The following LARGE1 variants were observed in gnomAD, a reference collection of about 807,000 sequenced individuals.
LARGE1 encodes the protein LARGE xylosyl- and glucuronyltransferase 1.
LARGE1 carries 43 observed loss-of-function variants against 87.6 expected under a neutral mutation model. The ratio of observed to expected loss-of-function variants is 0.49; its 90% CI spans 0.38 to 0.63. The LOEUF (loss-of-function observed/expected upper bound fraction) is 0.63. Among genes scored for constraint, LARGE1 ranks in the 30% least tolerant of loss-of-function variants. The pLI, the probability that LARGE1 is intolerant of heterozygous loss-of-function variation, is 0.00. For missense variants in LARGE1, 802 were observed against 1,000.2 expected, an observed-to-expected ratio of 0.80 and a Z score of 2.67; for synonymous variants, 434 against 394.6, an observed-to-expected ratio of 1.10 and a Z score of -1.18.
the LARGE1 span, among the ~76,000 whole-genome samples, chr22:33,067,247 C>T: frequency 6.6e-6 from 1 of 151,990 alleles, no homozygotes; most frequent in African/African-American, 2.4e-5. Context: ...ACTGCTTGGT[C>T]TATAAAATGC....
chr22:33,321,299 T>C (rs1036085584), intron 10 of LARGE1, among the ~76,000 whole-genome samples: 4 of 152,240 alleles, frequency 2.6e-5, no homozygotes, highest in African/African-American at 4.8e-5. Context: ...GGAGACTGTA[T>C]GGCAAGATCC....
chr22:33,098,233 T>C, the LARGE1 span, among the ~76,000 whole-genome samples: 1 of 151,830 alleles, frequency 6.6e-6, no homozygotes, highest in Non-Finnish European at 1.5e-5. Context: ...ACTTGAGGCT[T>C]GAGGCTGCAG....
intron 5 of LARGE1, among the ~76,000 whole-genome samples, chr22:33,598,465 C>T (rs1014398508): frequency 1.1e-4 from 17 of 152,282 alleles, no homozygotes; most frequent in Middle Eastern, 6.8e-3. Flanking sequence ...TGGTGGTTTA[C>T]TGCACCCATC....
At chr22:33,545,723 G>C (rs1181689555) in intron 6 of LARGE1, among the ~76,000 whole-genome samples, 1 of 152,048 alleles carries the variant, frequency 6.6e-6, no homozygotes, top group Non-Finnish European at 1.5e-5. Context: ...ACAGGCATGA[G>C]CCCCTGCGCC....
At chr22:33,894,066 C>A (rs1269250339) in intron 1 of LARGE1, among the ~76,000 whole-genome samples, 5 of 152,040 alleles carry the variant, frequency 3.3e-5, no homozygotes, top group Non-Finnish European at 5.9e-5. Context: ...GGTCAACTCC[C>A]CTCCCCATCT....
intron 6 of LARGE1, among the ~76,000 whole-genome samples, chr22:33,502,062 G>A (rs1031618993): frequency 2.0e-5 from 3 of 152,138 alleles, no homozygotes; most frequent in African/African-American, 4.8e-5. Context: ...CGGGCATGCT[G>A]GCAGGCGCCT....
intron 11 of LARGE1, 98 bp downstream of exon 11, chr22:33,315,987 C>G: frequency 7.4e-7 from 1 of 1,352,498 alleles, no homozygotes; most frequent in Non-Finnish European, 1.0e-6. Flanking sequence ...CCAATTTTAG[C>G]AGATGCACTG....
At chr22:33,905,479 G>C (rs1441848589) in intron 1 of LARGE1, among the ~76,000 whole-genome samples, 2 of 152,138 alleles carry the variant, frequency 1.3e-5, no homozygotes, top group East Asian at 3.8e-4. Context: ...TCAGCATATT[G>C]TAAACATTAA....
At chr22:33,900,163 A>T (rs1015029370) in intron 1 of LARGE1, among the ~76,000 whole-genome samples, 11 of 152,324 alleles carry the variant, frequency 7.2e-5, no homozygotes, top group Non-Finnish European at 1.0e-4. Context: ...CAGATATCTC[A>T]GGATTTACAC....
At chr22:33,730,294 T>C (rs1380756438) in intron 2 of LARGE1, among the ~76,000 whole-genome samples, 1 of 152,234 alleles carries the variant, frequency 6.6e-6, no homozygotes, top group Non-Finnish European at 1.5e-5. Flanking sequence ...GTACAGTATA[T>C]AATATATAAC....
In LARGE1 at chr22:33,785,947, T is replaced by A. The variant is rs561261262; in HGVS notation, c.-82-24389A>T. On this transcript the variant is annotated intron_variant, in intron 1 of 14. Transcript: ENST00000397394. Reference sequence around the variant, plus strand: ...AGTTGCCATAACCAGGGCAGGGTGGTAAAAAAATAAAAAGGAGAAGAGGCA... The same window carrying A: ...AGTTGCCATAACCAGGGCAGGGTGGAAAAAAAATAAAAAGGAGAAGAGGCA... Among the ~76,000 whole-genome samples the A allele has an allele frequency of 3.9e-5, 6 of 152,200 alleles. No individual in the cohort carries two copies. In the East Asian group the frequency reaches 1.2e-3, roughly 29 times the overall value.
intron 6 of LARGE1, among the ~76,000 whole-genome samples, chr22:33,514,464 A>C (rs928716823): frequency 6.6e-6 from 1 of 152,234 alleles, no homozygotes; most frequent in African/African-American, 2.4e-5. Flanking sequence ...CTAAGAAAAA[A>C]CAATGAAAAT....
chr22:33,159,127 T>TG (rs1921946984), downstream of LARGE1, among the ~76,000 whole-genome samples: 1 of 152,212 alleles, frequency 6.6e-6, no homozygotes, highest in South Asian at 2.1e-4. Flanking sequence ...TCTGCCCATC[T>TG]GGGTGTGGCT....
At chr22:33,296,549 T>A (rs1042166912) in intron 12 of LARGE1, among the ~76,000 whole-genome samples, 3 of 151,180 alleles carry the variant, frequency 2.0e-5, no homozygotes, top group Admixed American at 2.0e-4. Context: ...GAGCCAGTTA[T>A]CCTTTTTCTT....
At chr22:33,821,762 A>T (rs1714429612) in intron 1 of LARGE1, among the ~76,000 whole-genome samples, 1 of 152,108 alleles carries the variant, frequency 6.6e-6, no homozygotes, top group East Asian at 1.9e-4. Flanking sequence ...TATGCTATCA[A>T]AGGAGTTCAA....
intron 12 of LARGE1, among the ~76,000 whole-genome samples, chr22:33,293,060 A>G (rs1341321029): frequency 6.6e-6 from 1 of 152,134 alleles, no homozygotes; most frequent in Non-Finnish European, 1.5e-5. Context: ...AGACAGAAGC[A>G]TACTCCTCTC....
At chr22:33,750,866 T>C (rs927481734) in intron 2 of LARGE1, 5 of 152,136 alleles carry the variant, frequency 3.3e-5, no homozygotes, top group South Asian at 2.1e-4. Flanking sequence ...CCAAATGGTA[T>C]ATCAGAAAGG....
At chr22:33,297,591 C>A (rs751521067) in intron 12 of LARGE1, among the ~76,000 whole-genome samples, 1 of 113,216 alleles carries the variant, frequency 8.8e-6, no homozygotes, top group Non-Finnish European at 1.8e-5. Context: ...CCAGCCTGGG[C>A]GGCATAAGAC....
At chr22:33,232,084 T>A (rs1926033585) in intron 11 of LARGE1, among the ~76,000 whole-genome samples, 1 of 152,154 alleles carries the variant, frequency 6.6e-6, no homozygotes, top group Non-Finnish European at 1.5e-5. Context: ...CCAAACTAGG[T>A]CCCTCTGCTT....
Sources: allele counts gnomAD v4.1 joint callset (sites outside exome capture counted in the v4.1 genomes callset), GRCh38; gene constraint gnomAD v4.1.1; transcripts MANE v1.5; gene names NCBI Gene and HGNC (gene_info 2026-07-23, HGNC 2026-07-21).